DNASE1: variants seen among roughly 807,000 people sequenced by gnomAD.
The protein encoded by DNASE1 is deoxyribonuclease 1.
A neutral mutation model predicts 33.9 loss-of-function variants in DNASE1; 40 were observed. The observed-to-expected ratio is 1.18, with a 90% CI of 0.92 to 1.54. The LOEUF (loss-of-function observed/expected upper bound fraction) is 1.54, where lower values mean the gene tolerates loss of function less well. DNASE1 is among the 40% of genes most tolerant of loss of function. The pLI is 0.00. For missense variants in DNASE1, 518 were observed against 372.6 expected (o/e 1.39, Z -3.21); for synonymous variants, 216 against 160.0 (o/e 1.35, Z -2.64).
intron 1 of DNASE1, 144 bp from the exon 2 acceptor site, chr16:3,655,229 G>A (rs1443302363): frequency 6.8e-6 from 8 of 1,173,096 alleles, no homozygotes; most frequent in Admixed American, 2.3e-5. Flanking sequence ...CTTTCTGGAC[G>A]TTGTAGGAAA....
At chr16:3,663,188 T>G in exon 10 of DNASE1, 1 of 668,304 alleles carries the variant, frequency 1.5e-6, no homozygotes, top group Non-Finnish European at 2.5e-6. Context: ...ACACAGCCTC[T>G]CAAGAAGCTG....
At chr16:3,651,063 C>T (rs1315662802), upstream of DNASE1, 1 of 152,150 alleles carries the variant, frequency 6.6e-6, no homozygotes, top group Non-Finnish European at 1.5e-5. Flanking sequence ...AGCTGTGCGT[C>T]CTTCCCGCTT....
chr16:3,629,111 G>T (rs201008113), intron 1 of DNASE1, among the ~76,000 whole-genome samples: 1 of 147,566 alleles, frequency 6.8e-6, no homozygotes, highest in African/African-American at 2.5e-5. Flanking sequence ...GGCGGAGGTT[G>T]CAGTGAGCCG....
Position 3,655,019 on chromosome 16 carries a change from C to T in DNASE1, c.-27C>T, listed in dbSNP as rs2042503275. The T allele has an allele frequency of 9.1e-6, 5 of 550,140 alleles. No homozygotes were observed. Among genetic ancestry groups the T allele is most frequent in the African/African-American group, 3.8e-5 (2 of 53,108 alleles). The allele number at this position is 550,140 out of a possible 1,614,324, so 34.1% of individuals were successfully genotyped here. A position where few individuals can be genotyped will look rare whatever the true frequency, so the allele number is the denominator to read the frequency against. ...AGATTCTTGACAGCATTCTCGTCAT[C>T]TCTGAGGACATCACCATCATCTCAG... On this transcript the variant is annotated 5_prime_UTR_variant, in exon 1 of 9. Coordinates refer to ENST00000246949, the MANE Select transcript of DNASE1 (RefSeq NM_005223.4).
chr16:3,659,102 A>ATACAC (rs1473396949), downstream of DNASE1: 11 of 505,922 alleles, frequency 2.2e-5, no homozygotes, highest in South Asian at 2.8e-4. Context: ...CAAGATTAAT[A>ATACAC]TACACTAAAG....
chr16:3,615,718 C>T (rs1465886650), intron 1 of DNASE1, among the ~76,000 whole-genome samples: 3 of 152,278 alleles, frequency 2.0e-5, no homozygotes, highest in East Asian at 1.9e-4. Flanking sequence ...TTTCCCAGTT[C>T]ATAGGAGTCG....
In DNASE1 at chr16:3,656,090, T is replaced by C; in HGVS notation, c.237-12T>C. ...GCCCCCGCCACTGGGACCTTTTGTT[T>C]CTTCAATCCAGGGATGCACCAGACA... On this transcript the variant is annotated splice_polypyrimidine_tract_variant and intron_variant, in intron 3 of 8. Coordinates refer to ENST00000246949, the MANE Select transcript of DNASE1 (RefSeq NM_005223.4). The C allele has an allele frequency of 6.2e-7, 1 of 1,614,046 alleles. No homozygotes were observed. Among genetic ancestry groups the C allele is most frequent in the Non-Finnish European group, 8.5e-7 (1 of 1,179,972 alleles).
Position 3,663,429 on chromosome 16 carries a change from G to A in DNASE1, c.*5476G>A, listed in dbSNP as rs1425422018. 1.2e-6 allele frequency: 2 copies of A among 1,614,038 alleles called. No homozygotes were observed. The highest frequency in any genetic ancestry group is 1.6e-4 in the Middle Eastern group (1 of 6,062). On this transcript the variant is annotated 3_prime_UTR_variant, in exon 10 of 10. Coordinates refer to the DNASE1 transcript ENST00000407479. ...AGAGAGCAGGGGATGCCGACCTGGG[G>A]ACCTGTCCTCAAACTTCTCCTCCTT... is the stretch of plus-strand genomic sequence containing the variant.
At chr16:3,644,250 C>T (rs1596613991) in intron 1 of DNASE1, among the ~76,000 whole-genome samples, 1 of 152,092 alleles carries the variant, frequency 6.6e-6, no homozygotes, top group Non-Finnish European at 1.5e-5. Flanking sequence ...CACAGCAAGA[C>T]CTTGTCTCTA....
chr16:3,615,453 T>A (rs908179920), intron 1 of DNASE1, among the ~76,000 whole-genome samples: 2 of 152,054 alleles, frequency 1.3e-5, no homozygotes, highest in African/African-American at 4.8e-5. Flanking sequence ...TATGACTAAG[T>A]TGAGGGGCAG....
upstream of DNASE1, chr16:3,654,130 A>C: frequency 2.7e-6 from 1 of 366,366 alleles, no homozygotes; most frequent in Non-Finnish European, 4.9e-6. Context: ...AAAAACCCAA[A>C]ACAAAAGAAC....
chr16:3,635,953 C>T (rs774483928), intron 1 of DNASE1, among the ~76,000 whole-genome samples: 51 of 152,110 alleles, frequency 3.4e-4, no homozygotes, highest in Non-Finnish European at 1.6e-4. Flanking sequence ...TGTGAGCTCC[C>T]CAGAACTGTG....
In DNASE1 at chr16:3,657,724, G is replaced by A. The variant is rs774941207; in HGVS notation, c.709G>A (p.Val237Met). The A allele has an allele frequency of 3.7e-6, 6 of 1,613,870 alleles. No individual in the cohort carries two copies. Among genetic ancestry groups the A allele is most frequent in the Middle Eastern group, 1.7e-4 (1 of 6,060 alleles). ...TCTCTTCCCAACACCCATCAGGATC[G>A]TGGTTGCAGGGATGCTGCTCCGAGG... is the stretch of plus-strand genomic sequence containing the variant. ...TPTHCAYDRI[V>M]VAGMLLRGAV... is the part of the protein sequence containing the mutation. Residue 237 changes from valine to methionine, a missense_variant, in exon 8 of 9, where the codon GTG becomes ATG. By Grantham distance (21) the Val-to-Met change is conservative. Transcript: ENST00000246949.
At chr16:3,634,612 T>G (rs1226817872) in intron 1 of DNASE1, among the ~76,000 whole-genome samples, 1 of 152,024 alleles carries the variant, frequency 6.6e-6, no homozygotes, top group Non-Finnish European at 1.5e-5. Context: ...AGGGCTCAAA[T>G]GATCCTCCTG....
upstream of DNASE1, chr16:3,654,008 C>T (rs1187705241): frequency 1.7e-5 from 3 of 171,764 alleles, no homozygotes; most frequent in Non-Finnish European, 2.4e-5. Context: ...ACTCAGGAGG[C>T]TGAGGAGGGA....
intron 1 of DNASE1, among the ~76,000 whole-genome samples, chr16:3,627,186 A>C (rs2041540038): frequency 6.6e-6 from 1 of 151,818 alleles, no homozygotes; most frequent in African/African-American, 2.4e-5. Flanking sequence ...TATCACTGGT[A>C]ATTTTCTTTG....
chr16:3,645,662 T>C (rs1469495183), intron 1 of DNASE1, among the ~76,000 whole-genome samples: 1 of 152,200 alleles, frequency 6.6e-6, no homozygotes, highest in Non-Finnish European at 1.5e-5. Context: ...AGTGCTGACA[T>C]TCCATAGCAG....
chr16:3,642,776 C>A, upstream of DNASE1: 1 of 152,610 alleles, frequency 6.6e-6, no homozygotes, highest in Non-Finnish European at 1.5e-5. Flanking sequence ...TCGGGCACAT[C>A]TCTGGATGGG....
At chr16:3,625,136 G>A (rs549950060) in intron 1 of DNASE1, among the ~76,000 whole-genome samples, 12 of 152,128 alleles carry the variant, frequency 7.9e-5, no homozygotes, top group Admixed American at 5.2e-4. Context: ...GTGAAACCCC[G>A]TCTCTACTAA....
Sources: allele counts gnomAD v4.1 joint callset (sites outside exome capture counted in the v4.1 genomes callset), GRCh38; gene constraint gnomAD v4.1.1; transcripts MANE v1.5; gene names NCBI Gene and HGNC (gene_info 2026-07-23, HGNC 2026-07-21).